Variants in ANKFN1 observed in about 807,000 individuals in gnomAD.
ANKFN1 encodes ankyrin repeat and fibronectin type-III domain-containing protein 1.
In ANKFN1, 74 loss-of-function variants were observed where a neutral mutation model predicts 108.7. That is an observed-to-expected ratio of 0.68 (90% CI 0.56 to 0.83). ANKFN1 has a LOEUF of 0.83. Among genes scored for constraint, ANKFN1 ranks in the 40% least tolerant of loss-of-function variants. The pLI, the probability that ANKFN1 is intolerant of heterozygous loss-of-function variation, is 0.00. For missense variants in ANKFN1, 1,505 were observed against 1,382.3 expected, an observed-to-expected ratio of 1.09 and a Z score of -1.41; for synonymous variants, 547 against 516.2, an observed-to-expected ratio of 1.06 and a Z score of -0.81.
intron 4 of ANKFN1, among the ~76,000 whole-genome samples, chr17:56,075,721 T>C (rs1396848646): frequency 6.6e-6 from 1 of 152,086 alleles, no homozygotes; most frequent in East Asian, 1.9e-4. Flanking sequence ...GTTAAGGCAG[T>C]GAATTTAACA....
At chr17:56,187,822 T>C (rs1335065768) in intron 1 of ANKFN1, among the ~76,000 whole-genome samples, 1 of 151,814 alleles carries the variant, frequency 6.6e-6, no homozygotes, top group Non-Finnish European at 1.5e-5. Context: ...CTGAGCAAAC[T>C]ATCGCAAGGA....
chr17:56,502,762 G>A lies in ANKFN1; in HGVS notation c.2644+3664G>A, dbSNP rs117486463. On this transcript the variant is annotated intron_variant, in intron 20 of 20. Coordinates refer to ENST00000682825, the MANE Select transcript of ANKFN1 (RefSeq NM_001370326.1). ...GCATAATTCCATTCTGTGTGTATAGGATTCACTAACTTCAAAGGAGCCTGC... is the reference window on the plus strand; with the variant it reads ...GCATAATTCCATTCTGTGTGTATAGAATTCACTAACTTCAAAGGAGCCTGC... Among the ~76,000 whole-genome samples the A allele has an allele frequency of 1.3e-3, 193 of 152,310 alleles. 1 individual carries two copies. The East Asian group carries it at 0.024, about 19-fold the overall frequency.
intron 4 of ANKFN1, among the ~76,000 whole-genome samples, chr17:56,119,868 A>T (rs1485139805): frequency 6.6e-6 from 1 of 152,154 alleles, no homozygotes; most frequent in Non-Finnish European, 1.5e-5. Flanking sequence ...AATGATGAGA[A>T]ATAGCATATG....
At chr17:56,217,773 T>C (rs1915528721) in intron 2 of ANKFN1, among the ~76,000 whole-genome samples, 1 of 152,174 alleles carries the variant, frequency 6.6e-6, no homozygotes, top group African/African-American at 2.4e-5. Context: ...TTTTTCAGCA[T>C]ACTATGTTTA....
In ANKFN1 at chr17:56,353,950, A is replaced by G; in HGVS notation, c.505A>G (p.Ser169Gly). Residue 169 changes from serine to glycine, a missense_variant, in exon 6 of 21, where the codon AGC becomes GGC. Coordinates refer to ENST00000682825, the MANE Select transcript of ANKFN1 (RefSeq NM_001370326.1). Reference sequence around the variant, plus strand: ...AGAACTTGACCTCAACACACCTAACAGCGAGGGCTTGACACCCCTGGATAT... The same window carrying G: ...AGAACTTGACCTCAACACACCTAACGGCGAGGGCTTGACACCCCTGGATAT... ...PEELDLNTPNSEGLTPLDIAI... is the reference protein window; with the variant it reads ...PEELDLNTPNGEGLTPLDIAI... 1 of 1,614,036 alleles carries G rather than the reference A, an allele frequency of 6.2e-7. No individual in the cohort carries two copies. The highest frequency in any genetic ancestry group is 8.5e-7 in the Non-Finnish European group (1 of 1,179,980).
intron 3 of ANKFN1, among the ~76,000 whole-genome samples, chr17:56,307,126 A>G (rs2044853225): frequency 6.6e-6 from 1 of 152,226 alleles, no homozygotes; most frequent in Admixed American, 6.5e-5. Context: ...TAAAAACCCT[A>G]GAAGAAAACC....
At chr17:56,447,926 G>A (rs1204858192) in intron 10 of ANKFN1, among the ~76,000 whole-genome samples, 1 of 152,178 alleles carries the variant, frequency 6.6e-6, no homozygotes, top group East Asian at 1.9e-4. Context: ...CAGAACCTAT[G>A]GTCCTCCTAA....
At chr17:56,399,703 C>G (rs1351208302) in intron 8 of ANKFN1, among the ~76,000 whole-genome samples, 2 of 151,718 alleles carry the variant, frequency 1.3e-5, no homozygotes, top group African/African-American at 4.8e-5. Context: ...AGCTTTGCTC[C>G]CACTTATCAG....
rs1424996334 is a variant in ANKFN1, at chr17:56,512,855, A to G, written c.*1586A>G. On this transcript the variant is annotated 3_prime_UTR_variant, in exon 21 of 21. Transcript: ENST00000682825. ...CATGGCCTATGGTCATTAGAAAACT[A>G]AAGCCCAGAGCTCAGACTTTATTTT... 6.6e-6 allele frequency among the ~76,000 whole-genome samples: 1 copy of G among 152,244 alleles called. No individual in the cohort carries two copies. The highest frequency in any genetic ancestry group is 2.4e-5 in the African/African-American group (1 of 41,462).
At chr17:56,491,782 C>T (rs1298487237) in intron 18 of ANKFN1, among the ~76,000 whole-genome samples, 2 of 152,148 alleles carry the variant, frequency 1.3e-5, no homozygotes, top group Non-Finnish European at 2.9e-5. Flanking sequence ...TACTGGAAAT[C>T]AGACATGAAA....
intron 4 of ANKFN1, among the ~76,000 whole-genome samples, chr17:56,332,979 G>GTATATATATATATATATATATATATATA (rs61494269): frequency 2.0e-4 from 30 of 147,808 alleles, no homozygotes; most frequent in African/African-American, 6.8e-4. Flanking sequence ...ATATATGTGT[G>GTATATATATATATATATATATATATATA]TATATATATA....
Position 56,343,867 on chromosome 17 carries a change from T to A in ANKFN1, c.189-6899T>A, listed in dbSNP as rs373452849. Among the ~76,000 whole-genome samples, 7 of 152,140 alleles carry A rather than the reference T, an allele frequency of 4.6e-5. No individual in the cohort carries two copies. In the East Asian group the frequency reaches 1.4e-3, roughly 29 times the overall value. On this transcript the variant is annotated intron_variant, in intron 4 of 20. Transcript: ENST00000682825. ...AATCTGCTGTTGAGTATATTTTTCA[T>A]TTGTTAATGTACTTTTAAATTTTAG...
chr17:56,301,170 C>T (rs975055425), intron 3 of ANKFN1, among the ~76,000 whole-genome samples: 2 of 152,142 alleles, frequency 1.3e-5, no homozygotes, highest in African/African-American at 4.8e-5. Flanking sequence ...CAGAAATGTC[C>T]CATGTATTTG....
In ANKFN1 at chr17:56,488,177, C is replaced by A. The variant is rs541952009; in HGVS notation, c.2261-4010C>A. 2.0e-5 allele frequency among the ~76,000 whole-genome samples: 3 copies of A among 152,286 alleles called. No individual in the cohort carries two copies. The East Asian group carries it at 5.8e-4, about 29-fold the overall frequency. On this transcript the variant is annotated intron_variant, in intron 18 of 20. Transcript: ENST00000682825. ...AAAAAACAAATAAATCAGGCTGACA[C>A]TGGATATCATGAGACAATTAAACAA...
intron 4 of ANKFN1, among the ~76,000 whole-genome samples, chr17:56,108,240 T>C (rs1452177913): frequency 1.3e-5 from 2 of 152,200 alleles, no homozygotes; most frequent in Non-Finnish European, 2.9e-5. Context: ...TTCACCACAT[T>C]GGCCAGGATG....
intron 4 of ANKFN1, among the ~76,000 whole-genome samples, chr17:56,111,616 A>C (rs1225907144): frequency 6.6e-6 from 1 of 152,298 alleles, no homozygotes; most frequent in African/African-American, 2.4e-5. Context: ...CATACAAACA[A>C]ACCCCCAAAA....
intron 5 of ANKFN1, among the ~76,000 whole-genome samples, chr17:56,353,319 TCTGCCCCCTGGGCAGGAGGTGATCCTC>T (rs2046293877): frequency 6.6e-6 from 1 of 151,628 alleles, no homozygotes; most frequent in Non-Finnish European, 1.5e-5. Flanking sequence ...GACTGCAACC[TCTGCCCCCTGGGCAGGAGGTGATCCTC>T]CTGCCTCAAC....
At position 56,467,711 on chromosome 17, in the gene ANKFN1, G is replaced by C. The variant is rs1025165399; in HGVS notation, c.1773+1140G>C. Among the ~76,000 whole-genome samples the C allele has an allele frequency of 5.0e-5, 7 of 139,222 alleles. No individual in the cohort carries two copies. The South Asian group carries it at 1.4e-3, about 28-fold the overall frequency. 91.3% of individuals were successfully genotyped at this position (139,222 alleles called of 152,430 possible). ...AAAAAGAAAGAAAAGAAAAGAAAGA[G>C]AGAGAAAGAAAGAAAGAGAGAAAGA... On this transcript the variant is annotated intron_variant, in intron 15 of 20. Coordinates refer to ENST00000682825, the MANE Select transcript of ANKFN1 (RefSeq NM_001370326.1).
intron 2 of ANKFN1, among the ~76,000 whole-genome samples, chr17:56,218,173 C>G (rs1036008681): frequency 6.6e-6 from 1 of 151,780 alleles, no homozygotes; most frequent in African/African-American, 2.4e-5. Context: ...ACCTGTTTCT[C>G]CTTAGCCCCT....
Sources: gnomAD v4.1 joint callset for allele counts (sites outside exome capture counted in the v4.1 genomes callset) on GRCh38, gnomAD v4.1.1 for gene constraint, MANE v1.5 for transcripts, NCBI Gene and HGNC (gene_info 2026-07-23, HGNC 2026-07-21) for gene names.